Variants in HSD11B1 observed in about 807,000 individuals in gnomAD.
HSD11B1 encodes the protein 11-beta-hydroxysteroid dehydrogenase 1.
In HSD11B1, 15 loss-of-function variants were observed where a neutral mutation model predicts 22.1. The observed-to-expected ratio is 0.68, with a 90% CI of 0.45 to 1.04. The LOEUF (loss-of-function observed/expected upper bound fraction) is 1.04, where lower values mean the gene tolerates loss of function less well. Among genes scored for constraint, HSD11B1 ranks in the 50% least tolerant of loss-of-function variants. The pLI is 0.00. For synonymous variants in HSD11B1, 122 were observed against 125.2 expected (o/e 0.97, Z 0.17); for missense variants, 281 against 357.6 (o/e 0.79, Z 1.73).
chr1:209,726,607 A>G (rs1349094057), intron 4 of HSD11B1, among the ~76,000 whole-genome samples: 1 of 152,036 alleles, frequency 6.6e-6, no homozygotes, highest in Admixed American at 6.6e-5. Flanking sequence ...CAAAAAAAAA[A>G]CTTTTTTAAA....
chr1:209,711,363 G>A (rs1408105711), intron 4 of HSD11B1, among the ~76,000 whole-genome samples: 1 of 152,158 alleles, frequency 6.6e-6, no homozygotes, highest in Non-Finnish European at 1.5e-5. Flanking sequence ...TCCAGATTAT[G>A]AACGGGCCTC....
chr1:209,711,770 G>A (rs1028339647), intron 4 of HSD11B1, among the ~76,000 whole-genome samples: 5 of 152,070 alleles, frequency 3.3e-5, no homozygotes, highest in Non-Finnish European at 5.9e-5. Context: ...GATCGTGTTT[G>A]GGCAACACTG....
At chr1:209,698,213 A>AGATAGAT (rs1158851298) in intron 1 of HSD11B1, among the ~76,000 whole-genome samples, 2 of 149,680 alleles carry the variant, frequency 1.3e-5, no homozygotes, top group African/African-American at 4.9e-5. Context: ...ATAGATAGAT[A>AGATAGAT]GATAGGAAGG....
At chr1:209,717,949 A>T (rs1490947731) in intron 4 of HSD11B1, among the ~76,000 whole-genome samples, 1 of 151,810 alleles carries the variant, frequency 6.6e-6, no homozygotes, top group Non-Finnish European at 1.5e-5. Flanking sequence ...AGTAATGTGG[A>T]TGGAACTGAA....
At chr1:209,687,615 A>G (rs914319697) in intron 1 of HSD11B1, among the ~76,000 whole-genome samples, 5 of 152,224 alleles carry the variant, frequency 3.3e-5, no homozygotes, top group Non-Finnish European at 7.3e-5. Flanking sequence ...CCAAAGTCAC[A>G]TGTATTGTCA....
chr1:209,704,761 T>C (rs1280537931), upstream of HSD11B1: 8 of 594,790 alleles, frequency 1.3e-5, no homozygotes, highest in African/African-American at 1.9e-5. Context: ...ACGAATGGGA[T>C]CCCACCCAAA....
At chr1:209,693,524 C>A (rs150389788) in intron 1 of HSD11B1, among the ~76,000 whole-genome samples, 3 of 152,314 alleles carry the variant, frequency 2.0e-5, no homozygotes, top group African/African-American at 7.2e-5. Flanking sequence ...AATATCCACC[C>A]GTCCTCTACT....
intron 4 of HSD11B1, among the ~76,000 whole-genome samples, chr1:209,725,602 C>T (rs1279027610): frequency 6.6e-6 from 1 of 152,206 alleles, no homozygotes; most frequent in Non-Finnish European, 1.5e-5. Flanking sequence ...TTAGCCTCTT[C>T]CAAAGACCTC....
intron 1 of HSD11B1, 67 bp downstream of exon 1, chr1:209,705,097 T>C: frequency 8.1e-7 from 1 of 1,231,002 alleles, no homozygotes; most frequent in South Asian, 1.2e-5. Flanking sequence ...TGAGTGTTCC[T>C]GAGGACCAAG....
intron 1 of HSD11B1, among the ~76,000 whole-genome samples, chr1:209,692,888 A>G (rs1317590220): frequency 6.6e-6 from 1 of 152,194 alleles, no homozygotes; most frequent in Non-Finnish European, 1.5e-5. Flanking sequence ...TAGAGTGGAA[A>G]TCAGGAGTGT....
At chr1:209,708,606 C>T (rs1364052847) in intron 4 of HSD11B1, among the ~76,000 whole-genome samples, 3 of 152,204 alleles carry the variant, frequency 2.0e-5, no homozygotes, top group Non-Finnish European at 2.9e-5. Flanking sequence ...ATCCCCAATC[C>T]ATCCCAGGGC....
chr1:209,716,811 G>A (rs1000057637), intron 4 of HSD11B1, among the ~76,000 whole-genome samples: 2 of 152,180 alleles, frequency 1.3e-5, no homozygotes, highest in African/African-American at 2.4e-5. Flanking sequence ...TTGGGGAAAG[G>A]ACAGTCTCTT....
intron 4 of HSD11B1, among the ~76,000 whole-genome samples, chr1:209,711,461 A>G (rs1457658912): frequency 1.3e-5 from 2 of 152,160 alleles, no homozygotes; most frequent in Non-Finnish European, 2.9e-5. Flanking sequence ...CTTAAATCCA[A>G]TTACCTCAGA....
chr1:209,709,474 T>A (rs1370452040), intron 4 of HSD11B1, among the ~76,000 whole-genome samples: 1 of 152,216 alleles, frequency 6.6e-6, no homozygotes, highest in African/African-American at 2.4e-5. Flanking sequence ...CTAGTTAGGA[T>A]GTAAGTTCAG....
upstream of HSD11B1, among the ~76,000 whole-genome samples, chr1:209,704,038 G>A (rs765728340): frequency 9.9e-5 from 15 of 151,976 alleles, no homozygotes; most frequent in Non-Finnish European, 1.9e-4. Context: ...TGGTGTGGGC[G>A]TCCCCAGCTA....
intron 1 of HSD11B1, among the ~76,000 whole-genome samples, chr1:209,692,612 G>GGGGGGGT (rs2076767709): frequency 8.8e-6 from 1 of 113,010 alleles, no homozygotes; most frequent in Admixed American, 8.5e-5. Flanking sequence ...AATGGCGGGG[G>GGGGGGGT]GGGGGGTGGG....
At chr1:209,705,780 A>G (rs1436448896) in intron 1 of HSD11B1, 31 bp from the exon 2 acceptor site, 2 of 1,612,586 alleles carry the variant, frequency 1.2e-6, no homozygotes, top group East Asian at 4.5e-5. Context: ...CAACTTGGGT[A>G]TGGTCCTCAC....
intron 5 of HSD11B1, among the ~76,000 whole-genome samples, chr1:209,734,065 T>C (rs1461139156): frequency 6.6e-6 from 1 of 152,140 alleles, no homozygotes; most frequent in Non-Finnish European, 1.5e-5. Context: ...TAATCACCTC[T>C]AACTGCTCCC....
At position 209,734,695 on chromosome 1, in the gene HSD11B1, A is replaced by G; in HGVS notation, c.*174A>G. 1 of 620,314 alleles carries G rather than the reference A, an allele frequency of 1.6e-6. No homozygotes were observed. The highest frequency in any genetic ancestry group is 2.5e-5 in the Admixed American group (1 of 40,348). The allele number at this position is 620,314 out of a possible 1,614,324, so 38.4% of individuals were successfully genotyped here. The stretch of plus-strand genomic sequence containing the variant: ...CTAACATTTGCAAAATGGAAATGTA[A>G]TAATAATGAATGTCATGCACCGCTG... On this transcript the variant is annotated 3_prime_UTR_variant, in exon 6 of 6. Coordinates refer to ENST00000367027, the MANE Select transcript of HSD11B1 (RefSeq NM_005525.4).
Sources: allele counts gnomAD v4.1 joint callset (sites outside exome capture counted in the v4.1 genomes callset), GRCh38; gene constraint gnomAD v4.1.1; transcripts MANE v1.5; gene names NCBI Gene and HGNC (gene_info 2026-07-23, HGNC 2026-07-21).